Variants in ZFHX3 observed in about 807,000 individuals in gnomAD.
ZFHX3 encodes the protein zinc finger homeobox protein 3.
ZFHX3 carries 42 observed loss-of-function variants against 279.1 expected under a neutral mutation model. The observed-to-expected ratio is 0.15, with a 90% CI of 0.12 to 0.19. ZFHX3 has a LOEUF of 0.19. ZFHX3 is among the 10% of genes least tolerant of loss of function. The probability of loss-of-function intolerance (pLI) is 1.00; values close to 1 mark genes in which losing one functional copy is unlikely to be tolerated. For missense variants in ZFHX3, 4,981 were observed against 4,754.0 expected, an observed-to-expected ratio of 1.05 and a Z score of -1.40; for synonymous variants, 2,293 against 1,957.8, an observed-to-expected ratio of 1.17 and a Z score of -4.52.
In ZFHX3 at chr16:72,788,464, G is replaced by A. The variant is rs759418149; in HGVS notation, c.9812C>T (p.Thr3271Met). The change falls in exon 10 of 10, where the codon ACG (threonine) becomes ATG (methionine). Residue 3271 changes from threonine to methionine, a missense_variant. By Grantham distance (81) the Thr-to-Met change is moderately conservative. Coordinates refer to ENST00000268489, the MANE Select transcript of ZFHX3 (RefSeq NM_006885.4). Reference sequence around the variant, plus strand: ...CATGGTGGGCAGCGGGGCTGAGATCGTGGCTGCAGTTGCCGTGGGGGCCTC... The same window carrying A: ...CATGGTGGGCAGCGGGGCTGAGATCATGGCTGCAGTTGCCGTGGGGGCCTC... Reference protein sequence around the residue: ...KGEAPTATAATISAPLPTMEY... With the variant: ...KGEAPTATAAMISAPLPTMEY... 47 of 1,614,130 alleles carry A rather than the reference G, an allele frequency of 2.9e-5. No individual in the cohort carries two copies. Among genetic ancestry groups the A allele is most frequent in the Middle Eastern group, 1.6e-4 (1 of 6,084 alleles).
intron 1 of ZFHX3, among the ~76,000 whole-genome samples, chr16:72,970,638 C>G (rs12445917): frequency 2.0e-5 from 3 of 152,070 alleles, no homozygotes. Context: ...CCAACCTTCA[C>G]CCATCTTCTG....
chr16:73,058,863 A>G, exon 1 of ZFHX3: 1 of 140,558 alleles, frequency 7.1e-6, no homozygotes, highest in Non-Finnish European at 1.4e-5. Context: ...GGGCCACGGA[A>G]GAGAAGCGGC....
rs1469316125 is a variant in ZFHX3 at position 72,794,318 on chromosome 16, C to G, written c.8364G>C (p.Val2788=). 1 of 1,607,964 alleles carries G rather than the reference C, an allele frequency of 6.2e-7. No individual in the cohort carries two copies. The highest frequency in any genetic ancestry group is 8.5e-7 in the Non-Finnish European group (1 of 1,176,542). The change falls in exon 9 of 10, where the codon GTG becomes GTC. Residue 2788 remains valine, a synonymous_variant. Transcript: ENST00000268489. The surrounding 1 kb of genome is among the most constrained non-coding windows in gnomAD (Gnocchi z 4.2). Reference sequence around the variant, plus strand: ...TGGGTGACAATTCCATGGTTTTACTCACAGGTGAGAGGGGGACACCCTGAC... The same window carrying G: ...TGGGTGACAATTCCATGGTTTTACTGACAGGTGAGAGGGGGACACCCTGAC... ...SDGQGVPLSP[V]SKTMELSPRT...
intron 3 of ZFHX3, among the ~76,000 whole-genome samples, chr16:73,419,503 G>A (rs2017672853): frequency 6.6e-6 from 1 of 151,938 alleles, no homozygotes; most frequent in African/African-American, 2.4e-5. Context: ...TGCCTTGGTG[G>A]TGGCCCCTGC....
At chr16:73,362,194 T>C (rs2016444414) in intron 3 of ZFHX3, among the ~76,000 whole-genome samples, 2 of 152,194 alleles carry the variant, frequency 1.3e-5, no homozygotes, top group African/African-American at 2.4e-5. Flanking sequence ...GTAAGGAATA[T>C]TTGTATCTGG....
At chr16:73,628,540 T>C (rs917066689) in intron 2 of ZFHX3, among the ~76,000 whole-genome samples, 1 of 152,192 alleles carries the variant, frequency 6.6e-6, no homozygotes, top group Non-Finnish European at 1.5e-5. Context: ...ATTGAAATTA[T>C]CTTGCACTCC....
intron 2 of ZFHX3, among the ~76,000 whole-genome samples, chr16:73,597,307 T>C (rs2052061117): frequency 6.6e-6 from 1 of 152,206 alleles, no homozygotes; most frequent in East Asian, 1.9e-4. Flanking sequence ...GGTCTGTATA[T>C]TTCTTATGGG....
intron 5 of ZFHX3, among the ~76,000 whole-genome samples, chr16:73,172,998 T>G (rs1258097726): frequency 2.8e-5 from 2 of 71,158 alleles, no homozygotes; most frequent in African/African-American, 5.5e-5. Flanking sequence ...GTTTTTTTGT[T>G]TTTTTTTTTG....
intron 4 of ZFHX3, among the ~76,000 whole-genome samples, chr16:73,265,630 T>A (rs1236742367): frequency 6.6e-6 from 1 of 152,150 alleles, no homozygotes; most frequent in Non-Finnish European, 1.5e-5. Context: ...AGAAGAGGAA[T>A]GAGGAAATCT....
intron 1 of ZFHX3, among the ~76,000 whole-genome samples, chr16:73,774,328 A>C (rs1567406214): frequency 6.6e-6 from 1 of 152,168 alleles, no homozygotes; most frequent in Non-Finnish European, 1.5e-5. Context: ...TTGGTGAATG[A>C]ATGAAGGCTG....
chr16:73,230,418 A>C (rs1321995924), intron 5 of ZFHX3, among the ~76,000 whole-genome samples: 1 of 152,220 alleles, frequency 6.6e-6, no homozygotes, highest in Non-Finnish European at 1.5e-5. Context: ...GAAGTTTCAT[A>C]ATAAGTGTCT....
intron 1 of ZFHX3, among the ~76,000 whole-genome samples, chr16:73,851,496 T>G (rs1036729555): frequency 8.5e-5 from 13 of 152,230 alleles, no homozygotes; most frequent in African/African-American, 2.9e-4. Context: ...CTGAAGTCTC[T>G]GTTTTCTCAT....
At chr16:73,109,219 C>T (rs576632624) in intron 7 of ZFHX3, among the ~76,000 whole-genome samples, 1 of 152,190 alleles carries the variant, frequency 6.6e-6, no homozygotes, top group Admixed American at 6.5e-5. Context: ...AGGATGTGAA[C>T]GCATGCGTGT....
In ZFHX3 at chr16:73,718,445, C is replaced by T. The variant is rs115385906; in HGVS notation, c.-1607-38205G>A. Among the ~76,000 whole-genome samples the T allele has an allele frequency of 3.0e-3, 456 of 151,966 alleles. 4 individuals carry two copies. Among genetic ancestry groups the T allele is most frequent in the African/African-American group, 0.01 (426 of 41,474 alleles). ...AACTAAATAAAAACAACAACAAGCA[C>T]ACAAGTCTCTCCCTCCCTGCTCCTG... is the stretch of plus-strand genomic sequence containing the variant. On this transcript the variant is annotated intron_variant, in intron 1 of 17. Transcript: ENST00000641206.
rs761739295 is a variant in ZFHX3 at position 72,958,309 on chromosome 16, C to G, written c.1837G>C (p.Asp613His). 6.2e-7 allele frequency: 1 copy of G among 1,614,050 alleles called. No individual in the cohort carries two copies. Among genetic ancestry groups the G allele is most frequent in the South Asian group, 1.1e-5 (1 of 91,088 alleles). Reference protein sequence around the residue: ...PEPNESTEGDDGGFVPHHQHA... With the variant: ...PEPNESTEGDHGGFVPHHQHA... ...TGGTGATGGGGAACGAAGCCCCCAT[C>G]GTCACCCTCTGTGCTTTCATTTGGT... is the stretch of plus-strand genomic sequence containing the variant. The change falls in exon 2 of 10, where the codon GAT becomes CAT. Residue 613 changes from aspartate (D) to histidine (H), a missense_variant. Around this residue, in one of 7 missense-constraint regions of ZFHX3, gnomAD observed 1,068 missense variants for 935.2 expected, o/e 1.14. Transcript: ENST00000268489.
chr16:73,882,550 G>A (rs971051317), intron 1 of ZFHX3, among the ~76,000 whole-genome samples: 9 of 151,920 alleles, frequency 5.9e-5, no homozygotes, highest in Non-Finnish European at 7.4e-5. Flanking sequence ...TGATGGCTCT[G>A]AGTCCTCATG....
rs964346993 is a variant in ZFHX3 at position 72,787,396 on chromosome 16, G to C, written c.10880C>G (p.Ala3627Gly). 9 of 1,602,958 alleles carry C rather than the reference G, an allele frequency of 5.6e-6. No homozygotes were observed. The African/African-American group carries it at 9.4e-5, about 17-fold the overall frequency. Residue 3627 changes from alanine to glycine, a missense_variant, in exon 10 of 10, where the codon GCG becomes GGG. Physicochemically the swap from Ala to Gly is moderately conservative, Grantham distance 60 (BLOSUM62 0). Around this residue, in one of 7 missense-constraint regions of ZFHX3, gnomAD observed 1,034 missense variants for 786.0 expected, o/e 1.32. Coordinates refer to ENST00000268489, the MANE Select transcript of ZFHX3 (RefSeq NM_006885.4). The part of the protein sequence containing the change: ...WPQVVSRASA[A>G]KPPSFPPLSS... Reference sequence around the variant, plus strand: ...GAGAGGAGGAAAAGAAGGGGGCTTCGCTGCCGAAGCCCGGGAGACCACTTG... The same window carrying C: ...GAGAGGAGGAAAAGAAGGGGGCTTCCCTGCCGAAGCCCGGGAGACCACTTG...
intron 5 of ZFHX3, among the ~76,000 whole-genome samples, chr16:72,823,000 T>C (rs1018252336): frequency 2.6e-5 from 4 of 152,148 alleles, no homozygotes; most frequent in Non-Finnish European, 5.9e-5. Flanking sequence ...AACATAAAAA[T>C]AGTTCATGAT....
intron 4 of ZFHX3, among the ~76,000 whole-genome samples, chr16:72,871,695 T>G (rs969954812): frequency 1.3e-5 from 2 of 151,736 alleles, no homozygotes; most frequent in Admixed American, 6.6e-5. Context: ...CAGGGTGGTT[T>G]TGAACTCCTG....
Sources: gnomAD v4.1 joint callset for allele counts (sites outside exome capture counted in the v4.1 genomes callset) on GRCh38, gnomAD v4.1.1 for gene constraint, gnomAD v4.1.1 regional missense constraint, Gnocchi (gnomAD v3.1) non-coding constraint, MANE v1.5 for transcripts, NCBI Gene and HGNC (gene_info 2026-07-23, HGNC 2026-07-21) for gene names.